STRA8: variants seen among roughly 807,000 people sequenced by gnomAD.
STRA8 encodes stimulated by retinoic acid gene 8 protein homolog.
In STRA8, 18 loss-of-function variants were observed where a neutral mutation model predicts 37.1. That is an observed-to-expected ratio of 0.48 (90% CI 0.34 to 0.72). The LOEUF (loss-of-function observed/expected upper bound fraction) is 0.72, where lower values mean the gene tolerates loss of function less well. STRA8 is among the 30% of genes least tolerant of loss of function. The pLI is 0.01. For missense variants in STRA8, 357 were observed against 410.4 expected (o/e 0.87, Z 1.13); for synonymous variants, 168 against 162.9 (o/e 1.03, Z -0.24).
rs577077850 is a variant in STRA8, at chr7:135,251,890, T to G, written c.953+21T>G. 49 of 1,611,544 alleles carry G rather than the reference T, an allele frequency of 3.0e-5. 1 individual carries two copies. Among genetic ancestry groups the G allele is most frequent in the East Asian group, 6.7e-5 (3 of 44,870 alleles). On this transcript the variant is annotated intron_variant, in intron 7 of 8. Transcript: ENST00000662584. Reference sequence around the variant, plus strand: ...TCCAGGTGAGGAAGAGGGTGTGAGATAGCATGTGCCCCTGTGTGGGTGGAT... The same window carrying G: ...TCCAGGTGAGGAAGAGGGTGTGAGAGAGCATGTGCCCCTGTGTGGGTGGAT...
intron 1 of STRA8, among the ~76,000 whole-genome samples, chr7:135,238,263 GGAGGCCACGGCTCCAGGCAGCTTGGCCA>G (rs1832408410): frequency 6.6e-6 from 1 of 152,206 alleles, no homozygotes. Context: ...CAGGCAAGAT[GGAGGCCACGGCTCCAGGCAGCTTGGCCA>G]GCATGCTCTG....
chr7:135,241,227 T>A (rs567477298), intron 2 of STRA8, among the ~76,000 whole-genome samples: 1 of 152,308 alleles, frequency 6.6e-6, no homozygotes, highest in South Asian at 2.1e-4. Context: ...TCCAAGTCTT[T>A]GCTGACCCAA....
intron 4 of STRA8, 91 bp from the exon 5 acceptor site, chr7:135,245,197 A>C: frequency 2.6e-6 from 2 of 763,850 alleles, no homozygotes; most frequent in Non-Finnish European, 2.4e-6. Context: ...ATACATATAC[A>C]TGTATACTTG....
intron 1 of STRA8, among the ~76,000 whole-genome samples, chr7:135,237,580 C>G (rs1219378793): frequency 2.0e-5 from 3 of 152,078 alleles, no homozygotes; most frequent in African/African-American, 4.8e-5. Flanking sequence ...GGGACAGACC[C>G]AAGTGTATTA....
intron 8 of STRA8, 89 bp downstream of exon 8, chr7:135,255,314 C>A: frequency 3.2e-6 from 3 of 950,310 alleles, no homozygotes; most frequent in Non-Finnish European, 5.0e-6. Context: ...CCAGAACTCA[C>A]CCCAATCATA....
chr7:135,255,201 C>T lies in STRA8; in HGVS notation c.1041C>T (p.Ser347=). 1 of 1,613,836 alleles carries T rather than the reference C, an allele frequency of 6.2e-7. No homozygotes were observed. The part of the protein sequence containing the change: ...MQIINFFKGL[S]CANTQVKQEA... Reference sequence around the variant, plus strand: ...TCATCAACTTTTTTAAAGGCCTTAGCTGTGCAAACACTCAAGTAAAGCAGG... The same window carrying T: ...TCATCAACTTTTTTAAAGGCCTTAGTTGTGCAAACACTCAAGTAAAGCAGG... The change falls in exon 8 of 9, where the codon AGC becomes AGT. Residue 347 remains serine (S), a synonymous_variant. Transcript: ENST00000662584.
Position 135,245,444 on chromosome 7 carries a change from G to A in STRA8, c.510G>A (p.Glu170=), listed in dbSNP as rs549263421. 6 of 745,848 alleles carry A rather than the reference G, an allele frequency of 8.0e-6. No homozygotes were observed. The South Asian group carries it at 8.4e-5, about 10-fold the overall frequency. 46.2% of individuals were successfully genotyped at this position (745,848 alleles called of 1,614,324 possible). A position where few individuals can be genotyped will look rare whatever the true frequency, so the allele number is the denominator to read the frequency against. ...EEEEEEEEEE[E]EEEEEEEEKK... ...AGGAGGAGGAGGAAGAGGAGGAAGA[G>A]GAAGAGGAGGAGGAGGAAGAGGAGA... The change falls in exon 5 of 9, where the codon GAG becomes GAA. Residue 170 remains glutamate (E), a synonymous_variant. Coordinates refer to ENST00000662584, the MANE Select transcript of STRA8 (RefSeq NM_001394401.1).
rs772144886 is a variant in STRA8 at position 135,245,288 on chromosome 7, C to G, written c.354C>G (p.Ser118Arg). Residue 118 changes from serine to arginine, a missense_variant and splice_region_variant, in exon 5 of 9, where the codon AGC (serine) becomes AGG (arginine). Transcript: ENST00000662584. Reference sequence around the variant, plus strand: ...GTCTTGTTTCTGTTTTCTTTCCCAGCCTGCTTTCAAACAGTTTTCCTCAGA... The same window carrying G: ...GTCTTGTTTCTGTTTTCTTTCCCAGGCTGCTTTCAAACAGTTTTCCTCAGA... ...EYASMYSGND[S>R]LLSNSFPQNG... 1.3e-6 allele frequency: 1 copy of G among 780,934 alleles called. No homozygotes were observed. The highest frequency in any genetic ancestry group is 1.3e-5 in the South Asian group (1 of 74,612). 48.4% of individuals were successfully genotyped at this position (780,934 alleles called of 1,614,324 possible). A position where few individuals can be genotyped will look rare whatever the true frequency, so the allele number is the denominator to read the frequency against.
At chr7:135,232,696 C>T (rs1002580408), upstream of STRA8, among the ~76,000 whole-genome samples, 2 of 152,054 alleles carry the variant, frequency 1.3e-5, no homozygotes, top group South Asian at 2.1e-4. Flanking sequence ...TTTTATGTGA[C>T]GGTTTCTTTA....
Position 135,243,378 on chromosome 7 carries a change from A to G in STRA8, c.321A>G (p.Lys107=), listed in dbSNP as rs1343492786. The G allele has an allele frequency of 1.2e-6, 2 of 1,614,172 alleles. No individual in the cohort carries two copies. The highest frequency in any genetic ancestry group is 1.7e-6 in the Non-Finnish European group (2 of 1,179,984). ...CAAGCAGCTTAGAGGAGGTCAAGAAAGAATATGCCAGCATGTATTCTGGAA... is the reference window on the plus strand; with the variant it reads ...CAAGCAGCTTAGAGGAGGTCAAGAAGGAATATGCCAGCATGTATTCTGGAA... The part of the protein sequence containing the change: ...GHASSLEEVK[K]EYASMYSGND... The change falls in exon 4 of 9, where the codon AAA becomes AAG. Residue 107 remains lysine (K), a synonymous_variant. Transcript: ENST00000662584.
intron 5 of STRA8, among the ~76,000 whole-genome samples, chr7:135,245,951 A>G (rs993933330): frequency 1.3e-5 from 2 of 152,150 alleles, no homozygotes; most frequent in African/African-American, 2.4e-5. Context: ...TGCCTCCTCC[A>G]TAGACTCAAA....
At chr7:135,239,833 G>A (rs1293266233) in intron 1 of STRA8, among the ~76,000 whole-genome samples, 4 of 152,160 alleles carry the variant, frequency 2.6e-5, no homozygotes, top group African/African-American at 4.8e-5. Context: ...GTTCTCTGTC[G>A]TCAGGTGACT....
intron 8 of STRA8, among the ~76,000 whole-genome samples, chr7:135,255,982 G>A (rs1234275537): frequency 6.6e-6 from 1 of 152,170 alleles, no homozygotes; most frequent in African/African-American, 2.4e-5. Context: ...GGATATTAAT[G>A]TCTGCTTCCA....
At chr7:135,252,045 T>TGTGTGTGTGTGC (rs1386878700) in intron 7 of STRA8, among the ~76,000 whole-genome samples, 176 bp downstream of exon 7, 2 of 150,892 alleles carry the variant, frequency 1.3e-5, no homozygotes, top group Admixed American at 1.3e-4. Flanking sequence ...TGTGTGTGTG[T>TGTGTGTGTGTGC]GCACCCCTGC....
chr7:135,240,748 CT>C, intron 2 of STRA8, 32 bp downstream of exon 2: 1 of 1,609,378 alleles, frequency 6.2e-7, no homozygotes, highest in Non-Finnish European at 8.5e-7. Flanking sequence ...GAGGGGACAT[CT>C]CCACGGGGAA....
At chr7:135,240,814 G>A in intron 2 of STRA8, 98 bp downstream of exon 2, 1 of 1,362,008 alleles carries the variant, frequency 7.3e-7, no homozygotes, top group South Asian at 1.4e-5. Context: ...CTGGCCTGGA[G>A]CTGCCACTTC....
At chr7:135,234,975 C>G (rs879754223) in intron 1 of STRA8, among the ~76,000 whole-genome samples, 1 of 152,208 alleles carries the variant, frequency 6.6e-6, no homozygotes, top group African/African-American at 2.4e-5. Flanking sequence ...TTCCTAGGCT[C>G]AAGTGATCCT....
rs1025461303 is a variant in STRA8, at chr7:135,246,013, G to A, written c.594-404G>A. On this transcript the variant is annotated intron_variant, in intron 5 of 8. Transcript: ENST00000662584. The surrounding 1 kb of genome is among the most constrained non-coding windows in gnomAD (Gnocchi z 5.4). Reference sequence around the variant, plus strand: ...AGAGGAGTTGGCTCAATAGCAGGAGGCTCTCTCCACAGCCGAGCCTGACTT... The same window carrying A: ...AGAGGAGTTGGCTCAATAGCAGGAGACTCTCTCCACAGCCGAGCCTGACTT... 7.9e-6 allele frequency: 2 copies of A among 254,122 alleles called. No individual in the cohort carries two copies. Among genetic ancestry groups the A allele is most frequent in the Non-Finnish European group, 1.5e-5 (2 of 130,512 alleles). 15.7% of individuals were successfully genotyped at this position (254,122 alleles called of 1,614,324 possible). A position where few individuals can be genotyped will look rare whatever the true frequency, so the allele number is the denominator to read the frequency against.
chr7:135,250,018 C>T (rs1025923327), intron 6 of STRA8, among the ~76,000 whole-genome samples: 3 of 152,218 alleles, frequency 2.0e-5, no homozygotes, highest in Admixed American at 6.5e-5. Context: ...CTCCCATGCC[C>T]GAGGCAGGGA....
Sources: gnomAD v4.1 joint callset for allele counts (sites outside exome capture counted in the v4.1 genomes callset) on GRCh38, gnomAD v4.1.1 for gene constraint, Gnocchi (gnomAD v3.1) non-coding constraint, MANE v1.5 for transcripts, NCBI Gene and HGNC (gene_info 2026-07-23, HGNC 2026-07-21) for gene names.